MOSMO: variants seen among roughly 807,000 people sequenced by gnomAD.
The protein encoded by MOSMO is modulator of smoothened protein.
MOSMO carries 5 observed loss-of-function variants against 18.4 expected under a neutral mutation model. The observed-to-expected ratio is 0.27, with a 90% CI of 0.14 to 0.57. The LOEUF (loss-of-function observed/expected upper bound fraction) is 0.57. Ranked by LOEUF, MOSMO falls within the 20% of genes least tolerant of loss-of-function variation. MOSMO has a pLI of 0.92. For missense variants in MOSMO, 138 were observed against 211.8 expected (o/e 0.65, Z 2.16); for synonymous variants, 82 against 82.3 (o/e 1.00, Z 0.02).
chr16:22,087,011 A>G (rs916553581), downstream of MOSMO: 2 of 152,306 alleles, frequency 1.3e-5, no homozygotes, highest in Admixed American at 6.5e-5. Context: ...TACTTTATTA[A>G]TAAGTATTTG....
chr16:22,009,311 G>A (rs1254428734), intron 1 of MOSMO, among the ~76,000 whole-genome samples: 6 of 152,166 alleles, frequency 3.9e-5, no homozygotes, highest in African/African-American at 1.4e-4. Context: ...AGGCAGCCCG[G>A]CAGCGGGAGC....
chr16:22,054,965 T>C (rs940685266), intron 1 of MOSMO, among the ~76,000 whole-genome samples: 5 of 137,644 alleles, frequency 3.6e-5, no homozygotes, highest in Non-Finnish European at 7.8e-5. Context: ...AGATAGGGGT[T>C]TTTTTTTTTT....
chr16:22,056,410 C>T (rs1900536879), intron 1 of MOSMO, among the ~76,000 whole-genome samples: 3 of 118,206 alleles, frequency 2.5e-5, no homozygotes, highest in Non-Finnish European at 3.2e-5. Context: ...TCGCTCTTGT[C>T]GCCCAGGCTG....
chr16:22,088,581 G>T (rs1901232747), downstream of MOSMO, among the ~76,000 whole-genome samples: 1 of 152,170 alleles, frequency 6.6e-6, no homozygotes, highest in Non-Finnish European at 1.5e-5. Flanking sequence ...ATTTTCAAAA[G>T]CACTGTGGTT....
intron 1 of MOSMO, among the ~76,000 whole-genome samples, chr16:22,058,190 G>C (rs1274721255): frequency 6.6e-6 from 1 of 152,158 alleles, no homozygotes; most frequent in Non-Finnish European, 1.5e-5. Context: ...CACTTTGGGA[G>C]GCCAAGGCGG....
intron 2 of MOSMO, 144 bp downstream of exon 2, chr16:22,075,843 C>G (rs1040137262): frequency 1.7e-6 from 1 of 604,018 alleles, no homozygotes; most frequent in African/African-American, 1.8e-5. Flanking sequence ...AGACTCTACA[C>G]AGTCCCATCA....
chr16:22,024,343 C>T (rs1318628675), intron 1 of MOSMO, among the ~76,000 whole-genome samples: 1 of 150,396 alleles, frequency 6.6e-6, no homozygotes, highest in East Asian at 1.9e-4. Context: ...GAGATTTAGT[C>T]TACAGCAGTT....
At chr16:22,077,876 T>TG (rs1901001002) in intron 2 of MOSMO, among the ~76,000 whole-genome samples, 1 of 152,176 alleles carries the variant, frequency 6.6e-6, no homozygotes, top group Non-Finnish European at 1.5e-5. Flanking sequence ...AACGAGTGGC[T>TG]GGGGTGACAG....
At chr16:22,031,000 A>T (rs1421091506) in intron 1 of MOSMO, among the ~76,000 whole-genome samples, 1 of 152,216 alleles carries the variant, frequency 6.6e-6, no homozygotes, top group Non-Finnish European at 1.5e-5. Context: ...TAAACAGTTG[A>T]CCGGAAGTCA....
At chr16:22,053,113 C>G (rs1476216019) in intron 1 of MOSMO, among the ~76,000 whole-genome samples, 3 of 151,540 alleles carry the variant, frequency 2.0e-5, no homozygotes, top group African/African-American at 7.3e-5. Context: ...CGCCACCACG[C>G]CCAGCTAATT....
chr16:22,022,901 G>A (rs957002868), intron 1 of MOSMO, among the ~76,000 whole-genome samples: 2 of 152,138 alleles, frequency 1.3e-5, no homozygotes, highest in Non-Finnish European at 2.9e-5. Flanking sequence ...AATTTTAATT[G>A]CTTTTAAGCC....
At chr16:22,027,467 G>C (rs886820505) in intron 1 of MOSMO, among the ~76,000 whole-genome samples, 1 of 152,148 alleles carries the variant, frequency 6.6e-6, no homozygotes, top group Non-Finnish European at 1.5e-5. Flanking sequence ...CATTTAGCCT[G>C]TTACTGAGTT....
chr16:22,066,283 ACAGT>A (rs1299701673), intron 1 of MOSMO, among the ~76,000 whole-genome samples: 1 of 152,190 alleles, frequency 6.6e-6, no homozygotes, highest in Non-Finnish European at 1.5e-5. Flanking sequence ...TTTGTTAAAA[ACAGT>A]CAGCAGTTGT....
intron 1 of MOSMO, among the ~76,000 whole-genome samples, chr16:22,047,541 G>T (rs1205275676): frequency 6.6e-6 from 1 of 152,106 alleles, no homozygotes; most frequent in Non-Finnish European, 1.5e-5. Flanking sequence ...ACCGCGCCTG[G>T]CCTATGCACC....
intron 1 of MOSMO, among the ~76,000 whole-genome samples, chr16:22,046,008 CA>C (rs1231453203): frequency 2.0e-5 from 3 of 151,758 alleles, no homozygotes; most frequent in African/African-American, 7.3e-5. Flanking sequence ...GGTATATCTC[CA>C]AATGCTATCT....
chr16:22,053,877 A>T (rs1370008997), intron 1 of MOSMO, among the ~76,000 whole-genome samples: 3 of 152,192 alleles, frequency 2.0e-5, no homozygotes, highest in Admixed American at 2.0e-4. Context: ...AAGGAAATGT[A>T]CTTATCACTT....
intron 2 of MOSMO, among the ~76,000 whole-genome samples, chr16:22,076,556 TAAAGA>T (rs1900973181): frequency 1.3e-5 from 2 of 152,198 alleles, no homozygotes; most frequent in South Asian, 2.1e-4. Flanking sequence ...AATCCTGCTC[TAAAGA>T]AACAGGAGAA....
downstream of MOSMO, chr16:22,087,305 A>G (rs1015468887): frequency 1.3e-5 from 2 of 152,152 alleles, no homozygotes; most frequent in Admixed American, 1.3e-4. Flanking sequence ...CGAGGATTTG[A>G]TCTCATTTTA....
chr16:22,027,539 A>G (rs1899900362), intron 1 of MOSMO, among the ~76,000 whole-genome samples: 1 of 152,204 alleles, frequency 6.6e-6, no homozygotes, highest in South Asian at 2.1e-4. Flanking sequence ...TACTACACCC[A>G]GCACTAAGAA....
Sources: allele counts gnomAD v4.1 joint callset (sites outside exome capture counted in the v4.1 genomes callset), GRCh38; gene constraint gnomAD v4.1.1; transcripts MANE v1.5; gene names NCBI Gene and HGNC (gene_info 2026-07-23, HGNC 2026-07-21).